The following PRPF19 variants were observed in gnomAD, a reference collection of about 807,000 sequenced individuals.
PRPF19 encodes the protein pre-mRNA processing factor 19.
A neutral mutation model predicts 64.2 loss-of-function variants in PRPF19; 2 were observed. That is an observed-to-expected ratio of 0.03 (90% confidence interval 0.01 to 0.10). PRPF19 has a LOEUF of 0.10. PRPF19 is among the 10% of genes least tolerant of loss of function. The pLI, the probability that PRPF19 is intolerant of heterozygous loss-of-function variation, is 1.00. For synonymous variants in PRPF19, 226 were observed against 251.6 expected, an observed-to-expected ratio of 0.90 and a Z score of 0.96; for missense variants, 314 against 650.0, an observed-to-expected ratio of 0.48 and a Z score of 5.62.
At chr11:60,903,011 T>C in intron 3 of PRPF19, 130 bp from the exon 4 acceptor site, 2 of 1,423,338 alleles carry the variant, frequency 1.4e-6, no homozygotes, top group Non-Finnish European at 1.9e-6. Context: ...CCAAACAATA[T>C]CCGAGCAAAC....
At chr11:60,903,883 T>TGAA in intron 1 of PRPF19, 22 bp from the exon 2 acceptor site, 1 of 1,604,748 alleles carries the variant, frequency 6.2e-7, no homozygotes, top group Non-Finnish European at 8.5e-7. Context: ...AGGCTGGTAG[T>TGAA]GAGCTTGGAG....
At chr11:60,893,179 C>G (rs1194810040) in intron 15 of PRPF19, among the ~76,000 whole-genome samples, 1 of 152,218 alleles carries the variant, frequency 6.6e-6, no homozygotes, top group African/African-American at 2.4e-5. Flanking sequence ...AACAAATCTA[C>G]TACACTGCCA....
Position 60,902,977 on chromosome 11 carries a change from A to G in PRPF19, c.247-96T>C, listed in dbSNP as rs1169290763. ...GGGAGGGGATGCTGCCTCCTATCCC[A>G]GAGCCTAGACCAGTATCAGTGACCC... is the stretch of plus-strand genomic sequence containing the variant. On this transcript the variant is annotated intron_variant, in intron 3 of 15. Coordinates refer to ENST00000227524, the MANE Select transcript of PRPF19 (RefSeq NM_014502.5). The surrounding 1 kb of genome is among the most constrained non-coding windows in gnomAD (Gnocchi z 5.0). 16 of 1,524,124 alleles carry G rather than the reference A, an allele frequency of 1.0e-5. No homozygotes were observed. The highest frequency in any genetic ancestry group is 1.9e-5 in the Admixed American group (1 of 52,160). 94.4% of individuals were successfully genotyped at this position (1,524,124 alleles called of 1,614,324 possible).
chr11:60,893,503 C>CAA (rs59906637), intron 15 of PRPF19, among the ~76,000 whole-genome samples: 1,565 of 141,064 alleles, frequency 0.011, 29 homozygotes, highest in African/African-American at 0.038. Context: ...GACTCAATCT[C>CAA]AAAAAAAAAA....
intron 15 of PRPF19, among the ~76,000 whole-genome samples, chr11:60,892,703 T>C (rs1855875650): frequency 6.6e-6 from 1 of 152,196 alleles, no homozygotes; most frequent in African/African-American, 2.4e-5. Flanking sequence ...TCTCTGACCA[T>C]GTCCTGCCCT....
rs1855943269 is a variant in PRPF19 at position 60,898,224 on chromosome 11, A to G, written c.1188T>C (p.Thr396=). 1 of 1,614,002 alleles carries G rather than the reference A, an allele frequency of 6.2e-7. No homozygotes were observed. The highest frequency in any genetic ancestry group is 1.7e-5 in the Admixed American group (1 of 59,994). Residue 396 remains threonine (T), a synonymous_variant, in exon 14 of 16, where the codon ACT becomes ACC. Transcript: ENST00000227524. The surrounding 1 kb of genome is among the most constrained non-coding windows in gnomAD (Gnocchi z 4.6). ...AACCATTCTCAGAGAAGGCGATGCTAGTGATGGGGCCCGAGTGGCCAGGGA... is the reference window on the plus strand; with the variant it reads ...AACCATTCTCAGAGAAGGCGATGCTGGTGATGGGGCCCGAGTGGCCAGGGA... ...ANFPGHSGPI[T]SIAFSENGYY...
At chr11:60,901,266 T>C in intron 8 of PRPF19, 29 bp downstream of exon 8, 1 of 1,612,398 alleles carries the variant, frequency 6.2e-7, no homozygotes, top group Non-Finnish European at 8.5e-7. Flanking sequence ...GAGGGCTGTC[T>C]CCAAGACAGT....
In PRPF19 at chr11:60,903,781, T is replaced by C. The variant is rs758797230; in HGVS notation, c.100A>G (p.Ile34Val). Residue 34 changes from isoleucine to valine, a missense_variant, in exon 2 of 16, where the codon ATT becomes GTT. Coordinates refer to ENST00000227524, the MANE Select transcript of PRPF19 (RefSeq NM_014502.5). Reference sequence around the variant, plus strand: ...ATGGGGTCGGTACCATTCTCCGCAATGTACTTCTCGATGAGCCGCCGCTCA... The same window carrying C: ...ATGGGGTCGGTACCATTCTCCGCAACGTACTTCTCGATGAGCCGCCGCTCA... ...VYERRLIEKY[I>V]AENGTDPINN... The C allele has an allele frequency of 2.8e-5, 45 of 1,605,420 alleles. No individual in the cohort carries two copies. Among genetic ancestry groups the C allele is most frequent in the Admixed American group, 3.6e-5 (2 of 55,934 alleles).
chr11:60,893,049 A>C (rs113657907), intron 15 of PRPF19, among the ~76,000 whole-genome samples: 2 of 152,244 alleles, frequency 1.3e-5, no homozygotes, highest in African/African-American at 4.8e-5. Context: ...GACGGACCAC[A>C]CAAACACTGG....
At chr11:60,894,780 A>G (rs916648727) in intron 15 of PRPF19, among the ~76,000 whole-genome samples, 1 of 152,268 alleles carries the variant, frequency 6.6e-6, no homozygotes, top group African/African-American at 2.4e-5. Context: ...CTTAAGTAAT[A>G]AGACTTGAAA....
At position 60,890,756 on chromosome 11, in the gene PRPF19, T is replaced by C; in HGVS notation, c.*410A>G. On this transcript the variant is annotated 3_prime_UTR_variant, in exon 16 of 16. Coordinates refer to ENST00000227524, the MANE Select transcript of PRPF19 (RefSeq NM_014502.5). The stretch of plus-strand genomic sequence containing the variant: ...TATTGTTTTCTTTTTTTAATGAAAC[T>C]AGATCACTGCTTACAAAACCCTGCA... The C allele has an allele frequency of 2.2e-6, 1 of 458,320 alleles. No homozygotes were observed. The highest frequency in any genetic ancestry group is 4.4e-6 in the Non-Finnish European group (1 of 228,492). 28.4% of individuals were successfully genotyped at this position (458,320 alleles called of 1,614,324 possible). A position where few individuals can be genotyped will look rare whatever the true frequency, so the allele number is the denominator to read the frequency against.
Position 60,890,930 on chromosome 11 carries a change from A to ATGG in PRPF19, c.*235_*236insCCA. ...GCCCTGGGCTCCGACCCTGGGCCTTAAGAGGGTGACAGTTCTTCCTTCCAC... is the reference window on the plus strand; with the variant it reads ...GCCCTGGGCTCCGACCCTGGGCCTTATGGAGAGGGTGACAGTTCTTCCTTCCAC... On this transcript the variant is annotated 3_prime_UTR_variant, in exon 16 of 16. Coordinates refer to ENST00000227524, the MANE Select transcript of PRPF19 (RefSeq NM_014502.5). 1.7e-6 allele frequency: 1 copy of ATGG among 593,908 alleles called. No homozygotes were observed. The highest frequency in any genetic ancestry group is 1.6e-5 in the South Asian group (1 of 63,660). The allele number at this position is 593,908 out of a possible 1,614,324, so 36.8% of individuals were successfully genotyped here.
rs905891823 is a variant in PRPF19 at position 60,890,713 on chromosome 11, C to T, written c.*453G>A. On this transcript the variant is annotated 3_prime_UTR_variant, in exon 16 of 16. Coordinates refer to ENST00000227524, the MANE Select transcript of PRPF19 (RefSeq NM_014502.5). ...CAGGTGCTCCTGGTGCAGACAGACA[C>T]GGGGAGGTGGTTATGGTTATTGTTT... 3 of 455,654 alleles carry T rather than the reference C, an allele frequency of 6.6e-6. No homozygotes were observed. Among genetic ancestry groups the T allele is most frequent in the East Asian group, 7.0e-5 (1 of 14,376 alleles). 28.2% of individuals were successfully genotyped at this position (455,654 alleles called of 1,614,324 possible). A position where few individuals can be genotyped will look rare whatever the true frequency, so the allele number is the denominator to read the frequency against.
In PRPF19 at chr11:60,902,950, T is replaced by G. The variant is rs1458768205; in HGVS notation, c.247-69A>C. 1.3e-6 allele frequency: 2 copies of G among 1,570,810 alleles called. No homozygotes were observed. The highest frequency in any genetic ancestry group is 1.3e-5 in the African/African-American group (1 of 74,422). On this transcript the variant is annotated intron_variant, in intron 3 of 15. Coordinates refer to ENST00000227524, the MANE Select transcript of PRPF19 (RefSeq NM_014502.5). The surrounding 1 kb of genome is among the most constrained non-coding windows in gnomAD (Gnocchi z 5.0). ...GGGAGTACCCAGTGGAGTCAGCCCT[T>G]GGGGAGGGGATGCTGCCTCCTATCC...
chr11:60,903,073 G>C (rs538913298), intron 3 of PRPF19, among the ~76,000 whole-genome samples, 192 bp from the exon 4 acceptor site: 2 of 152,200 alleles, frequency 1.3e-5, no homozygotes, highest in African/African-American at 4.8e-5. Context: ...GAACCACTGG[G>C]CACACAGACA....
chr11:60,891,288 T>C (rs763129944), intron 15 of PRPF19, 25 bp from the exon 16 acceptor site: 2 of 1,564,622 alleles, frequency 1.3e-6, no homozygotes, highest in Non-Finnish European at 1.8e-6. Flanking sequence ...AAGAGGCAAC[T>C]GTGAGAAGGC....
chr11:60,893,051 A>G (rs1855880528), intron 15 of PRPF19, among the ~76,000 whole-genome samples: 1 of 152,112 alleles, frequency 6.6e-6, no homozygotes, highest in Non-Finnish European at 1.5e-5. Context: ...CGGACCACAC[A>G]AACACTGGTC....
Position 60,891,069 on chromosome 11 carries a change from C to CA in PRPF19, c.*96_*97insT. On this transcript the variant is annotated 3_prime_UTR_variant, in exon 16 of 16. Coordinates refer to ENST00000227524, the MANE Select transcript of PRPF19 (RefSeq NM_014502.5). ...GATGTGAATGTCCCACCCCACAGAG[C>CA]CCCCTCCCCCCATAGATTCCCCCCA... The CA allele has an allele frequency of 1.0e-5, 2 of 198,228 alleles. No homozygotes were observed. The highest frequency in any genetic ancestry group is 1.9e-5 in the Non-Finnish European group (2 of 104,688). 12.3% of individuals were successfully genotyped at this position (198,228 alleles called of 1,614,324 possible). A position where few individuals can be genotyped will look rare whatever the true frequency, so the allele number is the denominator to read the frequency against.
Position 60,900,944 on chromosome 11 carries a change from A to G in PRPF19, c.643-15T>C, listed in dbSNP as rs904307839. 71 of 1,613,902 alleles carry G rather than the reference A, an allele frequency of 4.4e-5. No homozygotes were observed. The highest frequency in any genetic ancestry group is 5.4e-5 in the Non-Finnish European group (64 of 1,180,008). ...CTGTGCAACCCCTTTGCAGAGAGACACACCAAACCCTGTCACGGCCAAATC... is the reference window on the plus strand; with the variant it reads ...CTGTGCAACCCCTTTGCAGAGAGACGCACCAAACCCTGTCACGGCCAAATC... On this transcript the variant is annotated splice_polypyrimidine_tract_variant and intron_variant, in intron 8 of 15. Coordinates refer to ENST00000227524, the MANE Select transcript of PRPF19 (RefSeq NM_014502.5).
Sources: allele counts gnomAD v4.1 joint callset (sites outside exome capture counted in the v4.1 genomes callset), GRCh38; gene constraint gnomAD v4.1.1; non-coding constraint Gnocchi (gnomAD v3.1); transcripts MANE v1.5; gene names NCBI Gene and HGNC (gene_info 2026-07-23, HGNC 2026-07-21).